CTNNA3: variants seen among roughly 807,000 people sequenced by gnomAD.
The protein encoded by CTNNA3 is catenin alpha 3.
Under a neutral mutation model 95.7 loss-of-function variants are expected in CTNNA3, and 76 were observed. The ratio of observed to expected loss-of-function variants is 0.79; its 90% CI spans 0.66 to 0.96. The LOEUF is 0.96. CTNNA3 is among the 40% of genes least tolerant of loss of function. CTNNA3 has a pLI of 0.00. For missense variants in CTNNA3, 1,191 were observed against 1,089.8 expected, an observed-to-expected ratio of 1.09 and a Z score of -1.31; for synonymous variants, 431 against 374.4, an observed-to-expected ratio of 1.15 and a Z score of -1.74.
At chr10:66,703,849 G>A (rs1280864600) in intron 9 of CTNNA3, among the ~76,000 whole-genome samples, 2 of 152,092 alleles carry the variant, frequency 1.3e-5, no homozygotes, top group African/African-American at 4.8e-5. Context: ...GACTAGTTCT[G>A]GCATCAGATT....
chr10:67,667,311 G>A (rs2133542301), intron 1 of CTNNA3, among the ~76,000 whole-genome samples: 1 of 152,146 alleles, frequency 6.6e-6, no homozygotes, highest in African/African-American at 2.4e-5. Context: ...CAATTTGCCT[G>A]ATTTATTCTA....
intron 14 of CTNNA3, among the ~76,000 whole-genome samples, chr10:66,081,171 T>G (rs567056387): frequency 2.1e-4 from 32 of 152,274 alleles, no homozygotes; most frequent in African/African-American, 7.7e-4. Flanking sequence ...GAAAGAGATA[T>G]GATGTAAGTG....
intron 7 of CTNNA3, among the ~76,000 whole-genome samples, chr10:67,061,819 G>A (rs1855771388): frequency 6.6e-6 from 1 of 152,100 alleles, no homozygotes; most frequent in African/African-American, 2.4e-5. Flanking sequence ...ATTCCTCATT[G>A]GCAGATAAGC....
rs543177462 is a variant in CTNNA3 at position 67,519,253 on chromosome 10, T to A, written c.579+2589A>T. On this transcript the variant is annotated intron_variant, in intron 5 of 17. Transcript: ENST00000433211. ...AGAAAGAAATCTCTCAAAGATGATG[T>A]TAAAAATATCATAGAAGGGGACAGA... Among the ~76,000 whole-genome samples, 19 of 152,212 alleles carry A rather than the reference T, an allele frequency of 1.2e-4. 1 individual carries two copies. In the South Asian group the frequency reaches 3.7e-3, roughly 30 times the overall value.
At chr10:66,062,423 T>G (rs561014179) in intron 15 of CTNNA3, among the ~76,000 whole-genome samples, 1 of 152,106 alleles carries the variant, frequency 6.6e-6, no homozygotes, top group East Asian at 1.9e-4. Context: ...TGACCCTCAC[T>G]CTCACAGGTC....
chr10:67,056,803 A>G (rs1855458420), intron 7 of CTNNA3, among the ~76,000 whole-genome samples: 2 of 152,184 alleles, frequency 1.3e-5, no homozygotes, highest in Non-Finnish European at 2.9e-5. Flanking sequence ...GCAGGATGAA[A>G]CAAAAGACAA....
chr10:66,122,071 A>C (rs2082609053), intron 13 of CTNNA3, among the ~76,000 whole-genome samples: 1 of 152,220 alleles, frequency 6.6e-6, no homozygotes, highest in Non-Finnish European at 1.5e-5. Flanking sequence ...AATTTAAAAT[A>C]CTACTCTTAA....
At chr10:65,942,443 C>T (rs1437778007) in intron 17 of CTNNA3, among the ~76,000 whole-genome samples, 5 of 152,052 alleles carry the variant, frequency 3.3e-5, no homozygotes, top group African/African-American at 9.7e-5. Context: ...GCAGGAGAAT[C>T]GCTTGAACCC....
intron 6 of CTNNA3, among the ~76,000 whole-genome samples, chr10:67,204,376 C>T (rs190452793): frequency 1.5e-5 from 2 of 132,056 alleles, no homozygotes; most frequent in South Asian, 2.6e-4. Context: ...GCACCTCCCC[C>T]CCTCTCTCTT....
At chr10:66,683,718 C>G (rs1847148312) in intron 9 of CTNNA3, among the ~76,000 whole-genome samples, 3 of 152,110 alleles carry the variant, frequency 2.0e-5, no homozygotes, top group African/African-American at 7.2e-5. Context: ...ACGACTCATT[C>G]AAGTTTGAGG....
intron 15 of CTNNA3, among the ~76,000 whole-genome samples, chr10:66,033,821 A>G (rs949307377): frequency 2.6e-5 from 4 of 152,202 alleles, no homozygotes; most frequent in Non-Finnish European, 5.9e-5. Context: ...ATAGAGAGAT[A>G]TGTATTAGGA....
At chr10:67,059,290 T>A (rs1366925563) in intron 7 of CTNNA3, among the ~76,000 whole-genome samples, 1 of 152,012 alleles carries the variant, frequency 6.6e-6, no homozygotes, top group Non-Finnish European at 1.5e-5. Context: ...TGAATTGACA[T>A]CATGTTAGTG....
intron 1 of CTNNA3, among the ~76,000 whole-genome samples, chr10:67,722,979 T>A (rs1841188601): frequency 6.9e-6 from 1 of 144,200 alleles, no homozygotes; most frequent in African/African-American, 2.7e-5. Context: ...ATTATATCTT[T>A]CAGCTCTTTT....
intron 7 of CTNNA3, among the ~76,000 whole-genome samples, chr10:66,966,846 T>G (rs1053222312): frequency 6.6e-6 from 1 of 152,072 alleles, no homozygotes; most frequent in Non-Finnish European, 1.5e-5. Context: ...TTACCCAACA[T>G]AGAACTATAG....
At chr10:67,599,190 T>C (rs1212482697) in intron 3 of CTNNA3, among the ~76,000 whole-genome samples, 1 of 152,160 alleles carries the variant, frequency 6.6e-6, no homozygotes, top group East Asian at 1.9e-4. Context: ...AAACTCCTGG[T>C]TATTCATCAG....
chr10:67,092,784 T>C (rs556379054), intron 7 of CTNNA3, among the ~76,000 whole-genome samples: 36 of 152,058 alleles, frequency 2.4e-4, no homozygotes, highest in African/African-American at 8.7e-4. Flanking sequence ...TACGAGACAG[T>C]GATATGAGAC....
At chr10:66,699,048 C>A (rs1847857504) in intron 9 of CTNNA3, among the ~76,000 whole-genome samples, 1 of 152,194 alleles carries the variant, frequency 6.6e-6, no homozygotes, top group Non-Finnish European at 1.5e-5. Flanking sequence ...TACCTTTACA[C>A]ATACACACAG....
chr10:67,486,656 T>A (rs987952054), intron 5 of CTNNA3, among the ~76,000 whole-genome samples: 13 of 152,176 alleles, frequency 8.5e-5, no homozygotes, highest in African/African-American at 2.9e-4. Context: ...GTGATTAGCA[T>A]AACCTGAGAT....
At chr10:66,713,331 G>A (rs1408361842) in intron 9 of CTNNA3, among the ~76,000 whole-genome samples, 1 of 151,984 alleles carries the variant, frequency 6.6e-6, no homozygotes, top group Non-Finnish European at 1.5e-5. Flanking sequence ...TTCCTTTTCA[G>A]TTTTGGTTCC....
Sources: allele counts gnomAD v4.1 joint callset (sites outside exome capture counted in the v4.1 genomes callset), GRCh38; gene constraint gnomAD v4.1.1; transcripts MANE v1.5; gene names NCBI Gene and HGNC (gene_info 2026-07-23, HGNC 2026-07-21).